SYTL5: variants seen among roughly 807,000 people sequenced by gnomAD.
The protein encoded by SYTL5 is synaptotagmin-like protein 5.
SYTL5 carries 34 observed loss-of-function variants against 55.9 expected under a neutral mutation model. That is an observed-to-expected ratio of 0.61 (90% CI 0.46 to 0.81). The LOEUF (loss-of-function observed/expected upper bound fraction) is 0.81. Ranked by LOEUF, SYTL5 falls within the 30% of genes least tolerant of loss-of-function variation. The probability of loss-of-function intolerance (pLI) is 0.00; values close to 1 mark genes in which losing one functional copy is unlikely to be tolerated. For missense variants in SYTL5, 637 were observed against 546.7 expected, an observed-to-expected ratio of 1.17 and a Z score of -1.65; for synonymous variants, 221 against 188.7, an observed-to-expected ratio of 1.17 and a Z score of -1.40.
At chrX:38,076,373 G>A (rs1330425591) in intron 5 of SYTL5, among the ~76,000 whole-genome samples, 194 bp from the exon 6 acceptor site, 1 of 111,615 alleles carries the variant, frequency 9.0e-6, no homozygotes, top group African/African-American at 3.3e-5. Context: ...TTGAGAGAAC[G>A]GCGTAACCTT....
At chrX:37,956,334 T>C in the SYTL5 span, among the ~76,000 whole-genome samples, 1 of 112,216 alleles carries the variant, frequency 8.9e-6, no homozygotes, top group Non-Finnish European at 1.9e-5. Flanking sequence ...CTACAAATTT[T>C]TAAATGTACA....
At chrX:37,945,068 T>G in the SYTL5 span, among the ~76,000 whole-genome samples, 1 of 113,160 alleles carries the variant, frequency 8.8e-6, no homozygotes, top group African/African-American at 3.2e-5. Context: ...AATTGTACTG[T>G]GTTCTTGAGA....
rs752177777 is a variant in SYTL5 at position 38,030,478 on chromosome X, C to T, written c.-356-3056C>T. On this transcript the variant is annotated intron_variant, in intron 1 of 16. Transcript: ENST00000297875. ...TAAATAAGCTAAATTTTAACCATAG[C>T]GCTCTTTTTAAAAAGTCCTTTTAAA... is the stretch of plus-strand genomic sequence containing the variant. Among the ~76,000 whole-genome samples the T allele has an allele frequency of 5.5e-4, 62 of 111,921 alleles. No homozygotes were observed. The South Asian group carries it at 5.6e-3, about 10-fold the overall frequency.
chrX:37,950,730 G>A, the SYTL5 span, among the ~76,000 whole-genome samples: 1 of 111,441 alleles, frequency 9.0e-6, no homozygotes, highest in Non-Finnish European at 1.9e-5. Context: ...ATAAAAGACA[G>A]TAATTGAAAA....
At chrX:37,918,344 T>C in the SYTL5 span, among the ~76,000 whole-genome samples, 3 of 111,689 alleles carry the variant, frequency 2.7e-5, no homozygotes, top group Non-Finnish European at 3.8e-5. Flanking sequence ...TGCTGGAGGA[T>C]GAGAGACATG....
At chrX:37,952,122 T>C in the SYTL5 span, among the ~76,000 whole-genome samples, 2 of 111,772 alleles carry the variant, frequency 1.8e-5, no homozygotes, top group East Asian at 5.6e-4. Flanking sequence ...GCTTCTCTTT[T>C]GGGTGAATTC....
chrX:38,078,820 G>C (rs1302529235), intron 6 of SYTL5, among the ~76,000 whole-genome samples: 1 of 112,234 alleles, frequency 8.9e-6, no homozygotes, highest in Non-Finnish European at 1.9e-5. Flanking sequence ...GGAGCTTCTT[G>C]TTCTTTTTGT....
At chrX:37,969,428 G>C in the SYTL5 span, among the ~76,000 whole-genome samples, 2 of 111,773 alleles carry the variant, frequency 1.8e-5, no homozygotes, top group African/African-American at 6.5e-5. Flanking sequence ...CTTGATTAGA[G>C]CTCTCACATG....
At chrX:38,116,125 G>A (rs1937483891) in intron 13 of SYTL5, among the ~76,000 whole-genome samples, 1 of 111,894 alleles carries the variant, frequency 8.9e-6, no homozygotes, top group Admixed American at 9.5e-5. Context: ...TATGGTGTGA[G>A]ACAAGGGTCC....
intron 12 of SYTL5, among the ~76,000 whole-genome samples, chrX:38,109,529 C>G (rs1217718695): frequency 9.1e-6 from 1 of 110,237 alleles, no homozygotes; most frequent in Non-Finnish European, 1.9e-5. Flanking sequence ...TGAATAAATA[C>G]AGGTAGAGAG....
the SYTL5 span, among the ~76,000 whole-genome samples, chrX:37,969,525 G>T: frequency 1.8e-5 from 2 of 111,905 alleles, no homozygotes; most frequent in African/African-American, 6.5e-5. Context: ...ATGTTCAAAA[G>T]ATACTTAATT....
At chrX:38,088,113 C>A (rs1936700529) in intron 6 of SYTL5, among the ~76,000 whole-genome samples, 1 of 111,151 alleles carries the variant, frequency 9.0e-6, no homozygotes, top group Non-Finnish European at 1.9e-5. Context: ...TAATGTGGTC[C>A]AAAAGAAATT....
chrX:37,890,748 A>G, the SYTL5 span, among the ~76,000 whole-genome samples: 19 of 112,559 alleles, frequency 1.7e-4, no homozygotes, highest in Admixed American at 1.8e-3. Flanking sequence ...CGAAATAGAC[A>G]TTTCTCTGAA....
intron 2 of SYTL5, among the ~76,000 whole-genome samples, chrX:38,046,434 A>C (rs1418702344): frequency 1.8e-5 from 2 of 111,345 alleles, no homozygotes; most frequent in African/African-American, 6.5e-5. Context: ...TGCAGGGAAA[A>C]TTCCCTTTAT....
chrX:38,059,406 T>A (rs1004447137), intron 3 of SYTL5, among the ~76,000 whole-genome samples: 4 of 111,518 alleles, frequency 3.6e-5, no homozygotes, highest in Non-Finnish European at 5.7e-5. Context: ...CTATTGAGAA[T>A]GTACATTTTT....
chrX:38,071,854 C>T (rs1936273604), intron 3 of SYTL5, among the ~76,000 whole-genome samples, 193 bp from the exon 4 acceptor site: 1 of 111,874 alleles, frequency 8.9e-6, no homozygotes, highest in Admixed American at 9.5e-5. Context: ...GAAGTATGAA[C>T]CGTAATTAGC....
intron 2 of SYTL5, among the ~76,000 whole-genome samples, chrX:38,052,333 T>A (rs1401441671): frequency 1.8e-5 from 2 of 112,147 alleles, no homozygotes; most frequent in South Asian, 7.4e-4. Context: ...TAAAGGGTAA[T>A]GGTAATTCTT....
chrX:37,950,679 G>A, the SYTL5 span, among the ~76,000 whole-genome samples: 4 of 110,656 alleles, frequency 3.6e-5, no homozygotes, highest in African/African-American at 1.3e-4. Flanking sequence ...TGTATATTCA[G>A]TTGGTTGTTA....
intron 3 of SYTL5, among the ~76,000 whole-genome samples, chrX:38,067,000 A>T (rs1936116660): frequency 9.0e-6 from 1 of 111,681 alleles, no homozygotes; most frequent in African/African-American, 3.3e-5. Flanking sequence ...ACATGCACTC[A>T]CTAAGTATTA....
Sources: gnomAD v4.1 joint callset for allele counts (sites outside exome capture counted in the v4.1 genomes callset) on GRCh38, gnomAD v4.1.1 for gene constraint, MANE v1.5 for transcripts, NCBI Gene and HGNC (gene_info 2026-07-23, HGNC 2026-07-21) for gene names.